SMOC2: variants seen among roughly 807,000 people sequenced by gnomAD.
The protein encoded by SMOC2 is SPARC-related modular calcium-binding protein 2.
A neutral mutation model predicts 61.4 loss-of-function variants in SMOC2; 39 were observed. That is an observed-to-expected ratio of 0.64 (90% CI 0.49 to 0.83). The LOEUF is 0.83. Among genes scored for constraint, SMOC2 ranks in the 40% least tolerant of loss-of-function variants. The pLI, the probability that SMOC2 is intolerant of heterozygous loss-of-function variation, is 0.00. For synonymous variants in SMOC2, 247 were observed against 239.9 expected (o/e 1.03, Z -0.27); for missense variants, 556 against 592.9 (o/e 0.94, Z 0.65).
intron 1 of SMOC2, among the ~76,000 whole-genome samples, chr6:168,500,776 C>A (rs1782709268): frequency 6.6e-6 from 1 of 152,154 alleles, no homozygotes; most frequent in African/African-American, 2.4e-5. Flanking sequence ...TCCGTGTCTA[C>A]AAGGGTACTG....
intron 7 of SMOC2, among the ~76,000 whole-genome samples, chr6:168,589,367 C>T (rs1399331417): frequency 6.6e-6 from 1 of 152,242 alleles, no homozygotes; most frequent in Non-Finnish European, 1.5e-5. Context: ...AAAAGGGATT[C>T]AGAGTTCCTT....
chr6:168,592,396 T>A, intron 7 of SMOC2, among the ~76,000 whole-genome samples: 1 of 118,472 alleles, frequency 8.4e-6, no homozygotes, highest in South Asian at 2.8e-4. Context: ...ATCTCCGAGC[T>A]CCTCCTCCTT....
chr6:168,640,952 T>A (rs186352147), intron 9 of SMOC2, among the ~76,000 whole-genome samples: 1 of 152,338 alleles, frequency 6.6e-6, no homozygotes, highest in Admixed American at 6.5e-5. Flanking sequence ...TAGAGCAACC[T>A]GCCAGGGCCA....
intron 1 of SMOC2, among the ~76,000 whole-genome samples, chr6:168,465,576 G>C (rs1415293178): frequency 1.3e-5 from 2 of 152,124 alleles, no homozygotes; most frequent in East Asian, 3.8e-4. Context: ...TGTTAAAAAT[G>C]CTACTTCTTT....
intron 9 of SMOC2, among the ~76,000 whole-genome samples, chr6:168,639,209 T>C (rs764307488): frequency 8.5e-5 from 13 of 152,194 alleles, no homozygotes; most frequent in Non-Finnish European, 1.5e-4. Context: ...CTGGGTGGCA[T>C]GTGTAGATGT....
chr6:168,577,307 C>T (rs894393243), intron 7 of SMOC2, among the ~76,000 whole-genome samples: 5 of 152,116 alleles, frequency 3.3e-5, no homozygotes, highest in Admixed American at 1.3e-4. Flanking sequence ...CGCTCTCTCT[C>T]GTCTCATCTC....
Position 168,520,425 on chromosome 6 carries a change from C to T in SMOC2, c.257-5921C>T, listed in dbSNP as rs182602031. 2.7e-3 allele frequency among the ~76,000 whole-genome samples: 414 copies of T among 152,342 alleles called. 3 individuals are homozygous for T. Among genetic ancestry groups the T allele is most frequent in the African/African-American group, 9.5e-3 (397 of 41,572 alleles). On this transcript the variant is annotated intron_variant, in intron 2 of 12. Coordinates refer to ENST00000356284, the MANE Select transcript of SMOC2 (RefSeq NM_001166412.2). ...CTGGCTGCCATTTGCTCGTTCAGCC[C>T]GTGGCATTCCCACACCAGCCCCGTC...
At chr6:168,546,291 A>G (rs553025721) in intron 5 of SMOC2, among the ~76,000 whole-genome samples, 81 of 146,388 alleles carry the variant, frequency 5.5e-4, no homozygotes, top group African/African-American at 1.9e-3. Flanking sequence ...TGATCCTGAG[A>G]GCACCACAGT....
At chr6:168,560,408 T>C (rs564494995) in intron 7 of SMOC2, among the ~76,000 whole-genome samples, 1 of 152,402 alleles carries the variant, frequency 6.6e-6, no homozygotes, top group South Asian at 2.1e-4. Context: ...TCATGGTTAC[T>C]GACAAACAGT....
At chr6:168,548,853 A>G (rs1482026709) in intron 6 of SMOC2, among the ~76,000 whole-genome samples, 4 of 152,230 alleles carry the variant, frequency 2.6e-5, no homozygotes, top group Non-Finnish European at 5.9e-5. Context: ...GTATTTTTCT[A>G]AAATCTGATT....
rs996073341 is a variant in SMOC2, at chr6:168,578,790, G to A, written c.638-20028G>A. On this transcript the variant is annotated intron_variant, in intron 7 of 12. Coordinates refer to ENST00000356284, the MANE Select transcript of SMOC2 (RefSeq NM_001166412.2). ...AAGTGCCTATTATGAAGAATTGGACGTGGGTAATGGAGTTTGGGGCATGAC... is the reference window on the plus strand; with the variant it reads ...AAGTGCCTATTATGAAGAATTGGACATGGGTAATGGAGTTTGGGGCATGAC... Among the ~76,000 whole-genome samples the A allele has an allele frequency of 5.3e-5, 8 of 152,222 alleles. No individual in the cohort carries two copies. The South Asian group carries it at 6.2e-4, about 12-fold the overall frequency.
chr6:168,509,763 C>T (rs2749256), intron 1 of SMOC2, 152 bp from the exon 2 acceptor site: 28 of 588,540 alleles, frequency 4.8e-5, no homozygotes, highest in Middle Eastern at 4.7e-4. Flanking sequence ...CAGAGGTGCA[C>T]GTGGCGCTTC....
chr6:168,563,649 G>T lies in SMOC2; in HGVS notation c.637+14446G>T, dbSNP rs116802495. 9.2e-3 allele frequency among the ~76,000 whole-genome samples: 1,393 copies of T among 152,156 alleles called. 16 individuals are homozygous for T. Among genetic ancestry groups the T allele is most frequent in the African/African-American group, 0.032 (1,347 of 41,496 alleles). On this transcript the variant is annotated intron_variant, in intron 7 of 12. Transcript: ENST00000356284. ...TGGGATTAGTGCCTTATGAAAAGAG[G>T]CCCAGGAGACCCTTGCCCCTCCTGC...
At chr6:168,462,647 T>C (rs1252543974) in intron 1 of SMOC2, among the ~76,000 whole-genome samples, 1 of 152,170 alleles carries the variant, frequency 6.6e-6, no homozygotes, top group Non-Finnish European at 1.5e-5. Flanking sequence ...ATGACTGGAA[T>C]GTTCCTCAGC....
At chr6:168,513,949 C>T (rs1032754285) in intron 2 of SMOC2, among the ~76,000 whole-genome samples, 1 of 152,204 alleles carries the variant, frequency 6.6e-6, no homozygotes, top group Non-Finnish European at 1.5e-5. Flanking sequence ...TTCAGACTCT[C>T]CTATGAGGTG....
At position 168,544,914 on chromosome 6, in the gene SMOC2, T is replaced by C. The variant is rs1328593682; in HGVS notation, c.511+1242T>C. 1.3e-5 allele frequency among the ~76,000 whole-genome samples: 2 copies of C among 151,830 alleles called. No homozygotes were observed. Among genetic ancestry groups the C allele is most frequent in the East Asian group, 3.9e-4 (2 of 5,156 alleles). On this transcript the variant is annotated intron_variant, in intron 5 of 12. Transcript: ENST00000356284. This position sits in a 1 kb window ranked among gnomAD's most constrained non-coding sequence, Gnocchi z 4.1. ...AGGACTGGCTTCCTGGAAGGGGAAA[T>C]ATGTAACAGGTGTGAGCTGGAACAG...
chr6:168,599,113 C>A, intron 8 of SMOC2, 109 bp downstream of exon 8: 2 of 963,928 alleles, frequency 2.1e-6, no homozygotes, highest in Non-Finnish European at 3.0e-6. Context: ...CACAGTCACA[C>A]ACACACTCAC....
At chr6:168,471,578 G>A (rs987841676) in intron 1 of SMOC2, among the ~76,000 whole-genome samples, 3 of 152,150 alleles carry the variant, frequency 2.0e-5, no homozygotes, top group African/African-American at 7.2e-5. Context: ...CATGGAAGTT[G>A]AATTGCTGGA....
chr6:168,507,573 C>G (rs1782904061), intron 1 of SMOC2, among the ~76,000 whole-genome samples: 1 of 152,228 alleles, frequency 6.6e-6, no homozygotes, highest in African/African-American at 2.4e-5. Context: ...GTCATGTCTC[C>G]CAGGAGCTGC....
Sources: gnomAD v4.1 joint callset for allele counts (sites outside exome capture counted in the v4.1 genomes callset) on GRCh38, gnomAD v4.1.1 for gene constraint, Gnocchi (gnomAD v3.1) non-coding constraint, MANE v1.5 for transcripts, NCBI Gene and HGNC (gene_info 2026-07-23, HGNC 2026-07-21) for gene names.